The following SUN3 variants were observed in gnomAD, a reference collection of about 807,000 sequenced individuals.
The protein encoded by SUN3 is Sad1 and UNC84 domain containing 3, also known as SUN domain-containing protein 3.
SUN3 carries 36 observed loss-of-function variants against 48.2 expected under a neutral mutation model. The observed-to-expected ratio is 0.75, with a 90% CI of 0.57 to 0.99. SUN3 has a LOEUF of 0.99. Ranked by LOEUF, SUN3 falls within the 50% of genes least tolerant of loss-of-function variation. The pLI, the probability that SUN3 is intolerant of heterozygous loss-of-function variation, is 0.00. For missense variants in SUN3, 419 were observed against 433.1 expected (o/e 0.97, Z 0.29); for synonymous variants, 148 against 147.9 (o/e 1.00, Z 0.00).
intron 2 of SUN3, among the ~76,000 whole-genome samples, chr7:48,019,831 C>T (rs1437520145): frequency 6.6e-6 from 1 of 151,908 alleles, no homozygotes; most frequent in Non-Finnish European, 1.5e-5. Context: ...CCCATGGCTT[C>T]ACTGCTGAAT....
chr7:48,007,136 T>G (rs1789546106), intron 5 of SUN3, 29 bp downstream of exon 5: 118 of 972,460 alleles, frequency 1.2e-4, no homozygotes, highest in Non-Finnish European at 1.7e-4. Context: ...CACCCCACCC[T>G]GCCCAACCCG....
chr7:48,022,106 T>C (rs1406166640), intron 2 of SUN3, among the ~76,000 whole-genome samples: 1 of 152,134 alleles, frequency 6.6e-6, no homozygotes. Context: ...TGAGATAATG[T>C]CATTTGCAAC....
intron 8 of SUN3, among the ~76,000 whole-genome samples, chr7:47,991,939 C>G (rs1234218057): frequency 6.6e-6 from 1 of 152,162 alleles, no homozygotes; most frequent in Admixed American, 6.5e-5. Flanking sequence ...TCTCTAAGAC[C>G]ACTGCCGGCG....
chr7:48,012,771 T>A (rs1378517066), intron 3 of SUN3, among the ~76,000 whole-genome samples: 1 of 152,244 alleles, frequency 6.6e-6, no homozygotes. Flanking sequence ...TGAAACTTAA[T>A]CCCCATTGTG....
chr7:48,007,865 C>T (rs1356529238), intron 4 of SUN3, among the ~76,000 whole-genome samples: 6 of 151,764 alleles, frequency 4.0e-5, no homozygotes, highest in African/African-American at 9.7e-5. Context: ...ACTCTGTCCC[C>T]CAGGCTGGAG....
At chr7:47,998,762 G>A (rs1200120051) in intron 6 of SUN3, among the ~76,000 whole-genome samples, 1 of 151,748 alleles carries the variant, frequency 6.6e-6, no homozygotes, top group Non-Finnish European at 1.5e-5. Context: ...GCATATGAAT[G>A]TCCACCTGTT....
In SUN3 at chr7:48,029,083, G is replaced by T. The variant is rs1790217255; in HGVS notation, c.-145C>A. 1 of 1,205,438 alleles carries T rather than the reference G, an allele frequency of 8.3e-7. No individual in the cohort carries two copies. The highest frequency in any genetic ancestry group is 2.7e-5 in the Admixed American group (1 of 37,012). The allele number at this position is 1,205,438 out of a possible 1,614,324, so 74.7% of individuals were successfully genotyped here. Reference sequence around the variant, plus strand: ...TCTTCCTCCACGGGTGTTTCTTCTTGAAGACGGAATTTTGAAAAGCTTCTG... The same window carrying T: ...TCTTCCTCCACGGGTGTTTCTTCTTTAAGACGGAATTTTGAAAAGCTTCTG... On this transcript the variant is annotated 5_prime_UTR_variant, in exon 1 of 10. Transcript: ENST00000297325.
chr7:48,006,322 C>G (rs1789524569), intron 5 of SUN3, among the ~76,000 whole-genome samples: 1 of 152,104 alleles, frequency 6.6e-6, no homozygotes, highest in African/African-American at 2.4e-5. Flanking sequence ...GACCTAGGGT[C>G]TCTTCTGAAG....
chr7:48,028,670 C>A (rs1583788196), intron 1 of SUN3, 147 bp downstream of exon 1: 7 of 1,025,682 alleles, frequency 6.8e-6, no homozygotes, highest in Middle Eastern at 2.6e-4. Context: ...TGAAGAGAAA[C>A]CTTCAAAGGA....
At chr7:48,016,062 TA>T (rs1789803740) in intron 3 of SUN3, among the ~76,000 whole-genome samples, 1 of 152,180 alleles carries the variant, frequency 6.6e-6, no homozygotes, top group African/African-American at 2.4e-5. Flanking sequence ...ATCACTATTG[TA>T]AGACCTAAGA....
At chr7:48,007,021 A>G (rs908188370) in intron 5 of SUN3, 144 bp downstream of exon 5, 5 of 757,592 alleles carry the variant, frequency 6.6e-6, no homozygotes, top group Non-Finnish European at 4.0e-6. Flanking sequence ...TCTGTACACA[A>G]ACCAAATATC....
Position 48,018,853 on chromosome 7 carries a change from G to A in SUN3, c.185-1488C>T, listed in dbSNP as rs62447108. ...AACCATCCCTGAGGAATCTGACATTGGAATTACGAGACAAAAACTTTATAT... is the reference window on the plus strand; with the variant it reads ...AACCATCCCTGAGGAATCTGACATTAGAATTACGAGACAAAAACTTTATAT... On this transcript the variant is annotated intron_variant, in intron 2 of 9. Coordinates refer to ENST00000297325, the MANE Select transcript of SUN3 (RefSeq NM_001030019.2). Among the ~76,000 whole-genome samples the A allele has an allele frequency of 6.7e-3, 1,016 of 152,112 alleles. 7 individuals carry two copies. Among genetic ancestry groups the A allele is most frequent in the Middle Eastern group, 0.014 (4 of 294 alleles).
intron 2 of SUN3, among the ~76,000 whole-genome samples, chr7:48,024,393 C>T (rs188677612): frequency 1.4e-3 from 212 of 151,878 alleles, no homozygotes; most frequent in Non-Finnish European, 2.3e-3. Flanking sequence ...CACATACAAA[C>T]GGTCAATAAG....
At chr7:48,027,984 T>C (rs1790181415) in intron 1 of SUN3, among the ~76,000 whole-genome samples, 1 of 152,204 alleles carries the variant, frequency 6.6e-6, no homozygotes, top group South Asian at 2.1e-4. Context: ...TTTTCGTTTT[T>C]TGTTTTTCAC....
At position 48,025,840 on chromosome 7, in the gene SUN3, G is replaced by C. The variant is rs1296404891; in HGVS notation, c.184+37C>G. On this transcript the variant is annotated intron_variant, in intron 2 of 9. Coordinates refer to ENST00000297325, the MANE Select transcript of SUN3 (RefSeq NM_001030019.2). ...CTCTCACCAGGCAGACATAACCTGT[G>C]GAATGGTTTTAAGGATCATTACTTA... The C allele has an allele frequency of 2.9e-6, 4 of 1,386,984 alleles. No individual in the cohort carries two copies. In the African/African-American group the frequency reaches 5.7e-5, roughly 20 times the overall value. 85.9% of individuals were successfully genotyped at this position (1,386,984 alleles called of 1,614,324 possible).
chr7:47,989,250 A>G (rs1788985595), intron 8 of SUN3, among the ~76,000 whole-genome samples: 1 of 152,246 alleles, frequency 6.6e-6, no homozygotes, highest in South Asian at 2.1e-4. Flanking sequence ...CCTGATAACT[A>G]TATTTGCAAT....
chr7:48,004,465 G>A (rs1412193045), intron 6 of SUN3, among the ~76,000 whole-genome samples: 1 of 152,180 alleles, frequency 6.6e-6, no homozygotes, highest in Non-Finnish European at 1.5e-5. Flanking sequence ...ACCACTCAGG[G>A]GTTAGTCCAA....
At chr7:47,994,548 A>G in intron 7 of SUN3, 66 bp from the exon 8 acceptor site, 6 of 1,479,680 alleles carry the variant, frequency 4.1e-6, no homozygotes, top group Non-Finnish European at 5.4e-6. Context: ...AATACTGGTC[A>G]GCTAATCACT....
chr7:47,994,495 C>T lies in SUN3; in HGVS notation c.694-13G>A. ...GGTAGACATCCGGCTGGAAAGAAAA[C>T]ACTGAATTAATCTCTTAACTAGTTA... is the stretch of plus-strand genomic sequence containing the variant. On this transcript the variant is annotated splice_polypyrimidine_tract_variant and intron_variant, in intron 7 of 9. Coordinates refer to ENST00000297325, the MANE Select transcript of SUN3 (RefSeq NM_001030019.2). 4 of 1,587,728 alleles carry T rather than the reference C, an allele frequency of 2.5e-6. No homozygotes were observed. The highest frequency in any genetic ancestry group is 1.2e-5 in the South Asian group (1 of 86,602).
Sources: allele counts gnomAD v4.1 joint callset (sites outside exome capture counted in the v4.1 genomes callset), GRCh38; gene constraint gnomAD v4.1.1; transcripts MANE v1.5; gene names NCBI Gene and HGNC (gene_info 2026-07-23, HGNC 2026-07-21).